ATP6V0D2: variants seen among roughly 807,000 people sequenced by gnomAD.
ATP6V0D2 encodes the protein V-type proton ATPase subunit d 2.
Under a neutral mutation model 40.0 loss-of-function variants are expected in ATP6V0D2, and 40 were observed. The observed-to-expected ratio is 1.00, with a 90% CI of 0.78 to 1.30. ATP6V0D2 has a LOEUF of 1.30. ATP6V0D2 is among the 50% of genes most tolerant of loss of function. The probability of loss-of-function intolerance (pLI) is 0.00; values close to 1 mark genes in which losing one functional copy is unlikely to be tolerated. For synonymous variants in ATP6V0D2, 179 were observed against 156.3 expected (o/e 1.15, Z -1.08); for missense variants, 470 against 423.1 (o/e 1.11, Z -0.97).
intron 2 of ATP6V0D2, among the ~76,000 whole-genome samples, chr8:86,131,453 C>T (rs1023623546): frequency 1.3e-5 from 2 of 151,908 alleles, no homozygotes; most frequent in Non-Finnish European, 2.9e-5. Flanking sequence ...CCCGCCTTAG[C>T]CTCCCAAAAT....
At chr8:86,125,567 C>G (rs1162354625) in intron 2 of ATP6V0D2, among the ~76,000 whole-genome samples, 1 of 152,140 alleles carries the variant, frequency 6.6e-6, no homozygotes, top group Non-Finnish European at 1.5e-5. Context: ...TAGATTTTCA[C>G]AGCAACCCTA....
At chr8:86,125,882 A>T (rs1023959867) in intron 2 of ATP6V0D2, among the ~76,000 whole-genome samples, 10 of 150,556 alleles carry the variant, frequency 6.6e-5, no homozygotes, top group African/African-American at 1.9e-4. Flanking sequence ...ATATATAAAG[A>T]TATATTTTAT....
intron 2 of ATP6V0D2, among the ~76,000 whole-genome samples, chr8:86,138,755 GA>G (rs1818930187): frequency 6.6e-6 from 1 of 152,172 alleles, no homozygotes; most frequent in African/African-American, 2.4e-5. Context: ...AGTAGAGTAA[GA>G]TGCTCCAGCT....
At chr8:86,118,285 G>T (rs1818624169) in intron 2 of ATP6V0D2, among the ~76,000 whole-genome samples, 1 of 150,088 alleles carries the variant, frequency 6.7e-6, no homozygotes, top group Admixed American at 6.6e-5. Flanking sequence ...TGTTGGTCAG[G>T]CTGGTCTTGA....
At chr8:86,135,080 GCTT>G (rs1183004977) in intron 2 of ATP6V0D2, among the ~76,000 whole-genome samples, 1 of 152,142 alleles carries the variant, frequency 6.6e-6, no homozygotes, top group Non-Finnish European at 1.5e-5. Context: ...ACCCTGGAGA[GCTT>G]CTTCACTGAA....
chr8:86,145,754 T>C (rs1819061234), intron 5 of ATP6V0D2, among the ~76,000 whole-genome samples: 1 of 152,230 alleles, frequency 6.6e-6, no homozygotes, highest in Non-Finnish European at 1.5e-5. Flanking sequence ...AGCATAATTC[T>C]TGTGGTTTGG....
At chr8:86,150,383 A>T in intron 6 of ATP6V0D2, 95 bp downstream of exon 6, 1 of 1,217,392 alleles carries the variant, frequency 8.2e-7, no homozygotes. Context: ...TATACTCAAA[A>T]GAAGTAATAA....
intron 5 of ATP6V0D2, among the ~76,000 whole-genome samples, chr8:86,146,049 T>A (rs1819064646): frequency 6.6e-6 from 1 of 152,188 alleles, no homozygotes; most frequent in African/African-American, 2.4e-5. Flanking sequence ...TGCAAGCAGT[T>A]GGCTCACGTA....
At chr8:86,152,001 G>A (rs1255579579) in intron 7 of ATP6V0D2, among the ~76,000 whole-genome samples, 2 of 151,912 alleles carry the variant, frequency 1.3e-5, no homozygotes, top group Non-Finnish European at 1.5e-5. Context: ...AGGTATACGT[G>A]TGCCATGGTG....
In ATP6V0D2 at chr8:86,109,300, G is replaced by GA. The variant is rs373161368; in HGVS notation, c.131-4401dup. ...TAGATAAGCATTTAGGGAAATGTAG[G>GA]AAAAAAAATTCAGTGAACTCATTTT... On this transcript the variant is annotated intron_variant, in intron 1 of 7. Coordinates refer to ENST00000285393, the MANE Select transcript of ATP6V0D2 (RefSeq NM_152565.1). 2.4e-3 allele frequency among the ~76,000 whole-genome samples: 363 copies of GA among 151,914 alleles called. 2 individuals are homozygous for GA. Among genetic ancestry groups the GA allele is most frequent in the African/African-American group, 7.4e-3 (305 of 41,436 alleles).
chr8:86,145,655 A>T (rs1819059860), intron 5 of ATP6V0D2, among the ~76,000 whole-genome samples: 2 of 152,182 alleles, frequency 1.3e-5, no homozygotes, highest in Non-Finnish European at 2.9e-5. Flanking sequence ...TGACCCTATG[A>T]AGCCCTATCC....
At position 86,098,913 on chromosome 8, in the gene ATP6V0D2, A is replaced by C. The variant is rs1486075978; in HGVS notation, c.-66A>C. 6.4e-6 allele frequency: 10 copies of C among 1,554,008 alleles called. No homozygotes were observed. Among genetic ancestry groups the C allele is most frequent in the South Asian group, 1.2e-5 (1 of 82,436 alleles). ...CTCGCACTTTTCCCAGGCTAGTGCAAATCTTCAGGGGCCGTCCAGGACTAC... is the reference window on the plus strand; with the variant it reads ...CTCGCACTTTTCCCAGGCTAGTGCACATCTTCAGGGGCCGTCCAGGACTAC... On this transcript the variant is annotated 5_prime_UTR_variant, in exon 1 of 8. Coordinates refer to ENST00000285393, the MANE Select transcript of ATP6V0D2 (RefSeq NM_152565.1).
At chr8:86,112,678 G>C (rs1818540111) in intron 1 of ATP6V0D2, among the ~76,000 whole-genome samples, 1 of 152,028 alleles carries the variant, frequency 6.6e-6, no homozygotes, top group Non-Finnish European at 1.5e-5. Flanking sequence ...AGAAATTCTA[G>C]AGTGGGGTTG....
At chr8:86,123,143 G>A (rs1202660089) in intron 2 of ATP6V0D2, among the ~76,000 whole-genome samples, 2 of 152,132 alleles carry the variant, frequency 1.3e-5, no homozygotes, top group African/African-American at 4.8e-5. Context: ...TGACATCTAA[G>A]CATTAGTTTC....
At chr8:86,099,232 T>C in intron 1 of ATP6V0D2, 124 bp downstream of exon 1, 1 of 1,045,188 alleles carries the variant, frequency 9.6e-7, no homozygotes, top group Non-Finnish European at 1.3e-6. Flanking sequence ...CAGATCCTTA[T>C]TCCTGCAGTC....
At chr8:86,099,773 C>T (rs1408636564) in intron 1 of ATP6V0D2, among the ~76,000 whole-genome samples, 4 of 152,098 alleles carry the variant, frequency 2.6e-5, no homozygotes, top group East Asian at 3.9e-4. Flanking sequence ...GAATTACAGG[C>T]GTAAGCCATC....
At chr8:86,122,678 G>A (rs562711978) in intron 2 of ATP6V0D2, among the ~76,000 whole-genome samples, 2 of 152,330 alleles carry the variant, frequency 1.3e-5, no homozygotes, top group African/African-American at 4.8e-5. Context: ...AGCTATAAGA[G>A]AAGGCTGAAC....
Position 86,139,707 on chromosome 8 carries a change from T to A in ATP6V0D2, c.481+72T>A. On this transcript the variant is annotated intron_variant, in intron 3 of 7. Transcript: ENST00000285393. ...AGTCATTAGAAAATGTACTATTTTT[T>A]TCTTCCCTGTGGTCCAAAAGAAAAT... The A allele has an allele frequency of 2.1e-6, 3 of 1,458,878 alleles. No homozygotes were observed. In the South Asian group the frequency reaches 4.3e-5, roughly 21 times the overall value. 90.4% of individuals were successfully genotyped at this position (1,458,878 alleles called of 1,614,324 possible).
chr8:86,150,980 C>G (rs540100310), intron 6 of ATP6V0D2, among the ~76,000 whole-genome samples: 1 of 152,312 alleles, frequency 6.6e-6, no homozygotes, highest in Non-Finnish European at 1.5e-5. Flanking sequence ...TGAAAGTCAG[C>G]AAATGCGTAA....
Sources: allele counts gnomAD v4.1 joint callset (sites outside exome capture counted in the v4.1 genomes callset), GRCh38; gene constraint gnomAD v4.1.1; transcripts MANE v1.5; gene names NCBI Gene and HGNC (gene_info 2026-07-23, HGNC 2026-07-21).